DNAH6: variants seen among roughly 807,000 people sequenced by gnomAD.
The protein encoded by DNAH6 is dynein axonemal heavy chain 6.
Under a neutral mutation model 491.4 loss-of-function variants are expected in DNAH6, and 340 were observed. The ratio of observed to expected loss-of-function variants is 0.69; its 90% CI spans 0.63 to 0.76. DNAH6 has a LOEUF of 0.76. Among genes scored for constraint, DNAH6 ranks in the 30% least tolerant of loss-of-function variants. DNAH6 has a pLI of 0.00. For synonymous variants in DNAH6, 1,603 were observed against 1,686.1 expected, an observed-to-expected ratio of 0.95 and a Z score of 1.21; for missense variants, 4,443 against 4,972.2, an observed-to-expected ratio of 0.89 and a Z score of 3.20.
At position 84,694,780 on chromosome 2, in the gene DNAH6, G is replaced by C. The variant is rs371838539; in HGVS notation, c.7524+300G>C. On this transcript the variant is annotated intron_variant, in intron 46 of 76. Transcript: ENST00000389394. ...TAATAAACTATAAAAGTGCATATAA[G>C]AAAATAATTTACCAAAAATTCAATT... Among the ~76,000 whole-genome samples the C allele has an allele frequency of 7.9e-5, 12 of 152,220 alleles. No homozygotes were observed. In the East Asian group the frequency reaches 1.2e-3, roughly 15 times the overall value.
intron 45 of DNAH6, among the ~76,000 whole-genome samples, chr2:84,692,456 GATA>G (rs1694959203): frequency 6.6e-6 from 1 of 150,614 alleles, no homozygotes; most frequent in East Asian, 1.9e-4. Context: ...TAGATAGATA[GATA>G]GATAGATAGA....
In DNAH6 at chr2:84,709,537, C is replaced by A; in HGVS notation, c.9243C>A (p.Pro3081=). ...GAAGATGGCCTTTGATGATTGATCC[C>A]CAAGATCAGGTGTGTAGCAAATGCT... ...QGRRWPLMID[P]QDQANRWIRN... The change falls in exon 55 of 77, where the codon CCC becomes CCA. Residue 3081 remains proline (P), a synonymous_variant. Coordinates refer to ENST00000389394, the MANE Select transcript of DNAH6 (RefSeq NM_001370.2). The A allele has an allele frequency of 6.4e-7, 1 of 1,551,558 alleles. No homozygotes were observed. The highest frequency in any genetic ancestry group is 1.2e-5 in the South Asian group (1 of 84,038).
chr2:84,720,267 C>CTTTTTTTT, intron 59 of DNAH6, among the ~76,000 whole-genome samples: 1 of 49,480 alleles, frequency 2.0e-5, no homozygotes, highest in Non-Finnish European at 3.7e-5. Context: ...AAGAGTGCTT[C>CTTTTTTTT]TTTTTTTTTT....
At chr2:84,624,648 T>C (rs1323618298) in intron 28 of DNAH6, 28 bp downstream of exon 28, 1 of 1,544,576 alleles carries the variant, frequency 6.5e-7, no homozygotes, top group Non-Finnish European at 8.7e-7. Context: ...TGGGTTAATA[T>C]TGACACAAGA....
chr2:84,800,822 A>C (rs963358035), intron 70 of DNAH6, among the ~76,000 whole-genome samples: 4 of 152,154 alleles, frequency 2.6e-5, no homozygotes, highest in African/African-American at 4.8e-5. Context: ...TATTATTCAC[A>C]ATAGCAAAGA....
At chr2:84,594,923 C>G (rs1684433477) in intron 17 of DNAH6, among the ~76,000 whole-genome samples, 1 of 152,146 alleles carries the variant, frequency 6.6e-6, no homozygotes, top group Non-Finnish European at 1.5e-5. Context: ...TAACACCAGA[C>G]AGTTTTAAGT....
At chr2:84,756,741 C>T (rs1020682511) in intron 63 of DNAH6, among the ~76,000 whole-genome samples, 3 of 152,174 alleles carry the variant, frequency 2.0e-5, no homozygotes, top group Admixed American at 2.0e-4. Context: ...TGTGCACTCA[C>T]CCATCAATAC....
At chr2:84,689,249 C>G (rs765779892) in intron 45 of DNAH6, among the ~76,000 whole-genome samples, 5 of 152,180 alleles carry the variant, frequency 3.3e-5, no homozygotes. Context: ...TATGGAGCAT[C>G]TCATTTACCT....
intron 70 of DNAH6, among the ~76,000 whole-genome samples, chr2:84,805,291 G>T (rs1679316523): frequency 6.6e-6 from 1 of 152,112 alleles, no homozygotes. Context: ...AATACTGCAT[G>T]ATTTAACTTT....
At chr2:84,508,075 G>A in the DNAH6 span, among the ~76,000 whole-genome samples, 1 of 152,182 alleles carries the variant, frequency 6.6e-6, no homozygotes. Context: ...GATGATACTG[G>A]CCTCATAAAA....
intron 37 of DNAH6, among the ~76,000 whole-genome samples, chr2:84,662,908 C>T (rs941855528): frequency 6.6e-6 from 1 of 152,140 alleles, no homozygotes; most frequent in Non-Finnish European, 1.5e-5. Flanking sequence ...GACAAAGCTT[C>T]CAGAGGAAGG....
At chr2:84,581,172 TAATC>T (rs1048266516) in intron 14 of DNAH6, among the ~76,000 whole-genome samples, 3 of 152,218 alleles carry the variant, frequency 2.0e-5, no homozygotes, top group African/African-American at 7.2e-5. Flanking sequence ...GGTCACATCA[TAATC>T]AATGGCTGCA....
At chr2:84,491,490 G>A in the DNAH6 span, among the ~76,000 whole-genome samples, 2 of 152,188 alleles carry the variant, frequency 1.3e-5, no homozygotes, top group African/African-American at 2.4e-5. Context: ...AGGTGTGACT[G>A]TTGGATCCAG....
At position 84,697,703 on chromosome 2, in the gene DNAH6, A is replaced by G. The variant is rs1413760086; in HGVS notation, c.7653A>G (p.Gly2551=). 3.2e-6 allele frequency: 5 copies of G among 1,551,736 alleles called. No individual in the cohort carries two copies. The change falls in exon 47 of 77, where the codon GGA becomes GGG. Residue 2551 remains glycine, a synonymous_variant. Coordinates refer to ENST00000389394, the MANE Select transcript of DNAH6 (RefSeq NM_001370.2). The part of the protein sequence containing the change: ...AATRPRAKEV[G]ISEGNRDEVF... The stretch of plus-strand genomic sequence containing the variant: ...CCAGACCAAGAGCAAAAGAAGTAGG[A>G]ATTTCTGAGGGGAACAGAGACGAGG...
At chr2:84,467,144 G>C in the DNAH6 span, among the ~76,000 whole-genome samples, 1 of 152,124 alleles carries the variant, frequency 6.6e-6, no homozygotes, top group African/African-American at 2.4e-5. Flanking sequence ...GTGTGTTCAC[G>C]CAGAATCTCT....
chr2:84,679,104 T>A (rs541729713), intron 41 of DNAH6, among the ~76,000 whole-genome samples: 1 of 152,208 alleles, frequency 6.6e-6, no homozygotes, highest in Admixed American at 6.5e-5. Flanking sequence ...AGTAAATTTA[T>A]TTTTAGCAAC....
At position 84,701,247 on chromosome 2, in the gene DNAH6, C is replaced by T. The variant is rs1343020494; in HGVS notation, c.7969C>T (p.Arg2657Cys). ...GGCAGAGCGCTATTACAATGAGCTGCGCAGGCGGTACTACACGACACCCAC... is the reference window on the plus strand; with the variant it reads ...GGCAGAGCGCTATTACAATGAGCTGTGCAGGCGGTACTACACGACACCCAC... ...SMAERYYNEL[R>C]RRYYTTPTSY... Residue 2657 changes from arginine (R) to cysteine (C), a missense_variant, in exon 49 of 77, where the codon CGC becomes TGC. Arg to Cys is a radical substitution (Grantham distance 180). Transcript: ENST00000389394. 1.4e-5 allele frequency: 22 copies of T among 1,551,696 alleles called. No individual in the cohort carries two copies. The highest frequency in any genetic ancestry group is 2.4e-5 in the South Asian group (2 of 84,054).
At chr2:84,734,285 C>T (rs191543716) in intron 62 of DNAH6, among the ~76,000 whole-genome samples, 15 of 151,722 alleles carry the variant, frequency 9.9e-5, no homozygotes, top group Admixed American at 2.6e-4. Context: ...GGACTTCAGG[C>T]GCCCACCACC....
the DNAH6 span, among the ~76,000 whole-genome samples, chr2:84,472,824 T>G: frequency 6.6e-6 from 1 of 152,242 alleles, no homozygotes; most frequent in Non-Finnish European, 1.5e-5. Context: ...GGTGAATGCC[T>G]TTGTTGTACT....
Sources: gnomAD v4.1 joint callset for allele counts (sites outside exome capture counted in the v4.1 genomes callset) on GRCh38, gnomAD v4.1.1 for gene constraint, MANE v1.5 for transcripts, NCBI Gene and HGNC (gene_info 2026-07-23, HGNC 2026-07-21) for gene names.